The following CYP39A1 variants were observed in gnomAD, a reference collection of about 807,000 sequenced individuals.
CYP39A1 encodes 24-hydroxycholesterol 7-alpha-hydroxylase.
In CYP39A1, 49 loss-of-function variants were observed where a neutral mutation model predicts 58.1. That is an observed-to-expected ratio of 0.84 (90% confidence interval 0.67 to 1.07). The LOEUF (loss-of-function observed/expected upper bound fraction) is 1.07. Ranked by LOEUF, CYP39A1 falls within the 50% of genes least tolerant of loss-of-function variation. The pLI is 0.00. For missense variants in CYP39A1, 531 were observed against 539.4 expected (o/e 0.98, Z 0.16); for synonymous variants, 209 against 187.6 (o/e 1.11, Z -0.93).
At chr6:46,614,280 T>A (rs1774400627) in intron 7 of CYP39A1, among the ~76,000 whole-genome samples, 1 of 152,118 alleles carries the variant, frequency 6.6e-6, no homozygotes, top group East Asian at 1.9e-4. Flanking sequence ...ATAAGGTAAA[T>A]AAACTAATGG....
Position 46,642,189 on chromosome 6 carries a change from G to A in CYP39A1, c.287C>T (p.Ala96Val), listed in dbSNP as rs376495278. The A allele has an allele frequency of 1.9e-6, 3 of 1,612,294 alleles. No individual in the cohort carries two copies. Among genetic ancestry groups the A allele is most frequent in the Non-Finnish European group, 2.5e-6 (3 of 1,178,996 alleles). The change falls in exon 2 of 12, where the codon GCA (alanine) becomes GTA (valine). Residue 96 changes from alanine to valine, a missense_variant. Physicochemically the swap from Ala to Val is moderately conservative, Grantham distance 64. Coordinates refer to ENST00000275016, the MANE Select transcript of CYP39A1 (RefSeq NM_016593.5). ...LKSKKVDFEL[A>V]VQNIVYRTAS... The stretch of plus-strand genomic sequence containing the variant: ...TGTACGATAAACGATATTTTGCACT[G>A]CTAGTTCAAAATCTACTTTTTTGGA...
chr6:46,625,555 G>T, intron 6 of CYP39A1, 47 bp from the exon 7 acceptor site: 2 of 1,407,680 alleles, frequency 1.4e-6, no homozygotes, highest in South Asian at 1.2e-5. Context: ...CTTTGAAGGT[G>T]AACAAAAGCA....
At chr6:46,642,035 A>G in intron 2 of CYP39A1, 128 bp downstream of exon 2, 1 of 1,021,880 alleles carries the variant, frequency 9.8e-7, no homozygotes, top group Non-Finnish European at 1.5e-6. Flanking sequence ...TCTTCTACCC[A>G]TACCTCAAGA....
In CYP39A1 at chr6:46,607,407, T is replaced by C. The variant is rs141640627; in HGVS notation, c.932-11287A>G. On this transcript the variant is annotated intron_variant, in intron 7 of 11. Coordinates refer to ENST00000275016, the MANE Select transcript of CYP39A1 (RefSeq NM_016593.5). ...TGAGTCAAATAGAATCACTAAAGGATGTCCTTCTTTGAGAGATGGCTTCTC... is the reference window on the plus strand; with the variant it reads ...TGAGTCAAATAGAATCACTAAAGGACGTCCTTCTTTGAGAGATGGCTTCTC... Among the ~76,000 whole-genome samples, 280 of 150,466 alleles carry C rather than the reference T, an allele frequency of 1.9e-3. 1 individual carries two copies. The highest frequency in any genetic ancestry group is 6.5e-3 in the African/African-American group (266 of 40,930).
At chr6:46,576,047 A>T (rs1771828649) in intron 10 of CYP39A1, among the ~76,000 whole-genome samples, 1 of 152,212 alleles carries the variant, frequency 6.6e-6, no homozygotes, top group African/African-American at 2.4e-5. Context: ...GCCGAACTTC[A>T]GGAAGCTTCC....
At chr6:46,600,844 A>C (rs1320654033) in intron 7 of CYP39A1, among the ~76,000 whole-genome samples, 1 of 152,138 alleles carries the variant, frequency 6.6e-6, no homozygotes, top group Admixed American at 6.5e-5. Context: ...TGTTTCCCTG[A>C]GTTCTGTGAG....
At chr6:46,569,432 C>A (rs540405457) in intron 10 of CYP39A1, among the ~76,000 whole-genome samples, 2 of 152,034 alleles carry the variant, frequency 1.3e-5, no homozygotes, top group Non-Finnish European at 2.9e-5. Flanking sequence ...GCAGAAGTGG[C>A]ATCCTTGTCT....
Position 46,604,761 on chromosome 6 carries a change from CT to C in CYP39A1, c.932-8642del, listed in dbSNP as rs539336094. The stretch of plus-strand genomic sequence containing the variant: ...TGAGTGAACTATAATAAACCTGTAA[CT>C]TTTGATATGTATTTTAAATAGACTA... On this transcript the variant is annotated intron_variant, in intron 7 of 11. Coordinates refer to ENST00000275016, the MANE Select transcript of CYP39A1 (RefSeq NM_016593.5). Among the ~76,000 whole-genome samples, 6 of 152,164 alleles carry C rather than the reference CT, an allele frequency of 3.9e-5. No homozygotes were observed. In the South Asian group the frequency reaches 1.2e-3, roughly 32 times the overall value.
At position 46,596,034 on chromosome 6, in the gene CYP39A1, C is replaced by A. The variant is rs759935755; in HGVS notation, c.1018G>T (p.Ala340Ser). The A allele has an allele frequency of 5.0e-6, 8 of 1,611,966 alleles. No individual in the cohort carries two copies. The South Asian group carries it at 8.8e-5, about 18-fold the overall frequency. Reference protein sequence around the residue: ...WCVLETIRLKAPGVITRKVVK... With the variant: ...WCVLETIRLKSPGVITRKVVK... ...ACTTTTCTAGTAATGACACCAGGAG[C>A]TTTTAAACGAATGGTTTCCAAAACA... The change falls in exon 8 of 12, where the codon GCT (alanine) becomes TCT (serine). Residue 340 changes from alanine to serine, a missense_variant. Transcript: ENST00000275016.
At chr6:46,630,104 A>G (rs550996243) in intron 6 of CYP39A1, among the ~76,000 whole-genome samples, 1 of 149,338 alleles carries the variant, frequency 6.7e-6, no homozygotes, top group Non-Finnish European at 1.5e-5. Context: ...TCAAAAAAAC[A>G]AAACAAAACA....
intron 11 of CYP39A1, 66 bp from the exon 12 acceptor site, chr6:46,550,503 T>G (rs1403481769): frequency 7.1e-7 from 1 of 1,404,804 alleles, no homozygotes; most frequent in Non-Finnish European, 9.8e-7. Context: ...AGACCTAAGG[T>G]TTATTCCATT....
chr6:46,612,515 G>C (rs545635718), intron 7 of CYP39A1, among the ~76,000 whole-genome samples: 2 of 152,166 alleles, frequency 1.3e-5, no homozygotes, highest in African/African-American at 4.8e-5. Context: ...TGATAAATGA[G>C]AAGTAGTTTG....
chr6:46,569,195 A>G (rs1414497540), intron 10 of CYP39A1, among the ~76,000 whole-genome samples: 1 of 152,100 alleles, frequency 6.6e-6, no homozygotes. Flanking sequence ...CAGTTAGTAT[A>G]TAAAAATGCA....
chr6:46,594,577 T>A (rs960580124), intron 8 of CYP39A1, among the ~76,000 whole-genome samples: 1 of 152,044 alleles, frequency 6.6e-6, no homozygotes, highest in Non-Finnish European at 1.5e-5. Context: ...GTTTCTTCAA[T>A]AAATGATGTT....
intron 10 of CYP39A1, among the ~76,000 whole-genome samples, chr6:46,573,008 C>A (rs1049271134): frequency 6.6e-6 from 1 of 151,888 alleles, no homozygotes; most frequent in Non-Finnish European, 1.5e-5. Context: ...TGTTTGCTTT[C>A]TTTTGATCTT....
At chr6:46,618,331 T>A (rs1774744775) in intron 7 of CYP39A1, among the ~76,000 whole-genome samples, 1 of 152,168 alleles carries the variant, frequency 6.6e-6, no homozygotes, top group Admixed American at 6.6e-5. Flanking sequence ...GGATTTCAAC[T>A]CAGGCAGTCT....
chr6:46,561,043 A>T (rs1191220821), intron 10 of CYP39A1, among the ~76,000 whole-genome samples: 1 of 152,224 alleles, frequency 6.6e-6, no homozygotes, highest in Non-Finnish European at 1.5e-5. Context: ...TTCAGTACTT[A>T]GCTCTCTTCC....
chr6:46,555,902 A>G (rs1297722304), intron 10 of CYP39A1, among the ~76,000 whole-genome samples: 1 of 152,210 alleles, frequency 6.6e-6, no homozygotes, highest in African/African-American at 2.4e-5. Context: ...TGCAAATTTA[A>G]CCCTACTTAC....
chr6:46,621,490 C>T (rs9296499), intron 7 of CYP39A1, among the ~76,000 whole-genome samples: 29,057 of 151,982 alleles, frequency 0.19, 2,984 homozygotes, highest in African/African-American at 0.27. Flanking sequence ...TTTGGTTTTC[C>T]AGTGCCCTTA....
Sources: gnomAD v4.1 joint callset for allele counts (sites outside exome capture counted in the v4.1 genomes callset) on GRCh38, gnomAD v4.1.1 for gene constraint, MANE v1.5 for transcripts, NCBI Gene and HGNC (gene_info 2026-07-23, HGNC 2026-07-21) for gene names.